The following DLG2 variants were observed in gnomAD, a reference collection of about 807,000 sequenced individuals.
The protein encoded by DLG2 is disks large homolog 2.
A neutral mutation model predicts 132.5 loss-of-function variants in DLG2; 45 were observed. The ratio of observed to expected loss-of-function variants is 0.34; its 90% CI spans 0.27 to 0.44. The LOEUF is 0.44. Ranked by LOEUF, DLG2 falls within the 20% of genes least tolerant of loss-of-function variation. The pLI is 1.00. For synonymous variants in DLG2, 424 were observed against 419.6 expected (o/e 1.01, Z -0.13); for missense variants, 1,045 against 1,196.9 (o/e 0.87, Z 1.87).
chr11:84,125,711 C>T (rs1429999898), intron 9 of DLG2, among the ~76,000 whole-genome samples: 2 of 152,202 alleles, frequency 1.3e-5, no homozygotes, highest in Admixed American at 6.5e-5. Context: ...ACAACACAAG[C>T]TACAGGTTCC....
intron 9 of DLG2, among the ~76,000 whole-genome samples, chr11:84,151,766 A>G (rs2095300348): frequency 6.6e-6 from 1 of 152,234 alleles, no homozygotes; most frequent in East Asian, 1.9e-4. Flanking sequence ...TTAATTTCAA[A>G]GAATTTTTTA....
chr11:84,505,067 G>C (rs1349258190), intron 7 of DLG2, among the ~76,000 whole-genome samples: 1 of 152,090 alleles, frequency 6.6e-6, no homozygotes, highest in African/African-American at 2.4e-5. Flanking sequence ...ATGAGAACTA[G>C]CTTCGTTGGT....
At chr11:83,774,098 C>A (rs2094497795) in intron 18 of DLG2, among the ~76,000 whole-genome samples, 1 of 152,186 alleles carries the variant, frequency 6.6e-6, no homozygotes, top group Non-Finnish European at 1.5e-5. Flanking sequence ...CCCATCCCTG[C>A]TCCTGCCATC....
intron 11 of DLG2, among the ~76,000 whole-genome samples, chr11:84,027,335 T>G (rs2095563009): frequency 6.6e-6 from 1 of 152,154 alleles, no homozygotes; most frequent in Non-Finnish European, 1.5e-5. Context: ...TGTGCATATA[T>G]GCTGCTTACT....
chr11:84,290,498 G>A (rs1222616972), intron 7 of DLG2, among the ~76,000 whole-genome samples: 9 of 152,132 alleles, frequency 5.9e-5, no homozygotes, highest in African/African-American at 1.4e-4. Flanking sequence ...AATACAAAAC[G>A]TGAAAACATT....
intron 7 of DLG2, among the ~76,000 whole-genome samples, chr11:84,502,249 T>TC (rs1567804442): frequency 2.1e-5 from 1 of 48,442 alleles, no homozygotes; most frequent in Admixed American, 1.6e-4. Flanking sequence ...CTTCCTTCCT[T>TC]CCTTCCTTCC....
intron 11 of DLG2, among the ~76,000 whole-genome samples, chr11:83,986,303 T>C (rs2093304810): frequency 6.6e-6 from 1 of 151,554 alleles, no homozygotes; most frequent in Non-Finnish European, 1.5e-5. Flanking sequence ...AGTGAGAATA[T>C]GCGGCATTTG....
intron 6 of DLG2, among the ~76,000 whole-genome samples, chr11:84,625,431 A>G (rs2099621017): frequency 6.6e-6 from 1 of 152,174 alleles, no homozygotes; most frequent in African/African-American, 2.4e-5. Context: ...TGGGATAATT[A>G]TGTTATTTCT....
At chr11:84,934,519 TG>T (rs72576516) in intron 6 of DLG2, among the ~76,000 whole-genome samples, 27,661 of 84,744 alleles carry the variant, frequency 0.33, 6,838 homozygotes, top group East Asian at 0.69. Context: ...TTTTTTGTTT[TG>T]TTTTGTTTTT....
chr11:84,230,330 C>A (rs1228326093), intron 8 of DLG2, among the ~76,000 whole-genome samples: 8 of 152,110 alleles, frequency 5.3e-5, no homozygotes, highest in Non-Finnish European at 1.2e-4. Context: ...TGTTTATTAT[C>A]TCTATCCCTC....
chr11:84,157,678 G>A (rs1015550274), intron 9 of DLG2, among the ~76,000 whole-genome samples: 2 of 152,114 alleles, frequency 1.3e-5, no homozygotes, highest in Non-Finnish European at 1.5e-5. Context: ...TACTTCATGC[G>A]GACCACATAT....
intron 6 of DLG2, among the ~76,000 whole-genome samples, chr11:84,858,324 A>T (rs948933940): frequency 2.6e-4 from 39 of 149,568 alleles, no homozygotes; most frequent in African/African-American, 4.9e-4. Context: ...GTCTGATTTT[A>T]AAAAAAAAAA....
At chr11:84,569,518 A>C (rs184473663) in intron 6 of DLG2, among the ~76,000 whole-genome samples, 77 of 152,256 alleles carry the variant, frequency 5.1e-4, no homozygotes, top group Non-Finnish European at 1.9e-4. Flanking sequence ...AAAAAGTGAG[A>C]AGTTTGAAAA....
chr11:84,401,414 C>A (rs75047103), intron 7 of DLG2, among the ~76,000 whole-genome samples: 1 of 152,024 alleles, frequency 6.6e-6, no homozygotes, highest in Non-Finnish European at 1.5e-5. Flanking sequence ...CTCTTCAATG[C>A]GGACAAGGGC....
At chr11:85,183,031 C>A (rs541041229) in intron 4 of DLG2, among the ~76,000 whole-genome samples, 1 of 151,778 alleles carries the variant, frequency 6.6e-6, no homozygotes, top group African/African-American at 2.4e-5. Context: ...CAGTTCCAGC[C>A]TTCCTAAGAC....
intron 16 of DLG2, among the ~76,000 whole-genome samples, chr11:83,845,021 G>T (rs2058347627): frequency 6.6e-6 from 1 of 151,950 alleles, no homozygotes; most frequent in African/African-American, 2.4e-5. Context: ...TGGTATTACA[G>T]CATATAAGCT....
chr11:83,481,301 C>T (rs1435666237), intron 22 of DLG2, among the ~76,000 whole-genome samples: 4 of 151,922 alleles, frequency 2.6e-5, no homozygotes, highest in South Asian at 2.1e-4. Context: ...AAATCATTTT[C>T]GCTCATCCAT....
intron 18 of DLG2, among the ~76,000 whole-genome samples, chr11:83,652,692 G>A (rs1194555969): frequency 6.6e-6 from 1 of 152,102 alleles, no homozygotes; most frequent in Admixed American, 6.6e-5. Flanking sequence ...TTTTTTAAGT[G>A]TGTTGTCTTA....
At chr11:85,340,410 G>A (rs1016250091) in intron 3 of DLG2, among the ~76,000 whole-genome samples, 6 of 151,340 alleles carry the variant, frequency 4.0e-5, no homozygotes, top group Middle Eastern at 3.2e-3. Flanking sequence ...AACACTGCAT[G>A]TTCTCATTCA....
Sources: allele counts gnomAD v4.1 joint callset (sites outside exome capture counted in the v4.1 genomes callset), GRCh38; gene constraint gnomAD v4.1.1; transcripts MANE v1.5; gene names NCBI Gene and HGNC (gene_info 2026-07-23, HGNC 2026-07-21).